ABCC4: variants seen among roughly 807,000 people sequenced by gnomAD.
ABCC4 encodes ATP binding cassette subfamily C member 4 (PEL blood group).
In ABCC4, 102 loss-of-function variants were observed where a neutral mutation model predicts 168.5. The ratio of observed to expected loss-of-function variants is 0.61; its 90% CI spans 0.52 to 0.71. ABCC4 has a LOEUF of 0.71. Ranked by LOEUF, ABCC4 falls within the 30% of genes least tolerant of loss-of-function variation. ABCC4 has a pLI of 0.00. For missense variants in ABCC4, 1,402 were observed against 1,605.8 expected, an observed-to-expected ratio of 0.87 and a Z score of 2.17; for synonymous variants, 617 against 590.7, an observed-to-expected ratio of 1.04 and a Z score of -0.65.
chr13:95,138,257 T>G (rs2036202420), intron 19 of ABCC4, among the ~76,000 whole-genome samples: 1 of 152,216 alleles, frequency 6.6e-6, no homozygotes, highest in Admixed American at 6.5e-5. Flanking sequence ...GGAAATATAC[T>G]AATTTGCCCT....
At chr13:95,219,661 C>T (rs1033912982) in intron 4 of ABCC4, among the ~76,000 whole-genome samples, 1 of 151,934 alleles carries the variant, frequency 6.6e-6, no homozygotes, top group African/African-American at 2.4e-5. Context: ...TGTGCCACCA[C>T]ACTTGGCTTT....
chr13:95,230,858 A>G (rs2039600232), intron 4 of ABCC4, among the ~76,000 whole-genome samples: 1 of 152,258 alleles, frequency 6.6e-6, no homozygotes, highest in South Asian at 2.1e-4. Context: ...TGTTCACAAT[A>G]GCTAAAAGGC....
chr13:95,126,363 C>A lies in ABCC4; in HGVS notation c.2456-10362G>T, dbSNP rs572460878. ...CATTCACCTAGACAAGGAATTTCCACTTCCACAAAGGCAACTATCAAATTC... is the reference window on the plus strand; with the variant it reads ...CATTCACCTAGACAAGGAATTTCCAATTCCACAAAGGCAACTATCAAATTC... On this transcript the variant is annotated intron_variant, in intron 19 of 30. Transcript: ENST00000645237. Among the ~76,000 whole-genome samples the A allele has an allele frequency of 1.4e-4, 21 of 152,262 alleles. 2 individuals carry two copies. In the South Asian group the frequency reaches 4.1e-3, roughly 30 times the overall value.
chr13:95,221,390 G>C (rs1034944870), intron 4 of ABCC4, among the ~76,000 whole-genome samples: 1 of 152,056 alleles, frequency 6.6e-6, no homozygotes, highest in African/African-American at 2.4e-5. Flanking sequence ...CATCATGCCT[G>C]GCTGATTTTT....
chr13:95,199,743 G>A (rs1444390415), intron 8 of ABCC4, among the ~76,000 whole-genome samples: 2 of 151,880 alleles, frequency 1.3e-5, no homozygotes, highest in Admixed American at 6.6e-5. Flanking sequence ...CTCTACTCTG[G>A]GCCCCCAATG....
chr13:95,098,999 C>T (rs568806997), intron 20 of ABCC4, among the ~76,000 whole-genome samples: 98 of 152,192 alleles, frequency 6.4e-4, no homozygotes, highest in Non-Finnish European at 1.2e-3. Context: ...GTGAACTTTA[C>T]GAACCCAGCA....
chr13:95,119,038 T>C (rs1174843518), intron 19 of ABCC4, among the ~76,000 whole-genome samples: 1 of 152,176 alleles, frequency 6.6e-6, no homozygotes, highest in East Asian at 1.9e-4. Context: ...CATAGTCAGG[T>C]AGCCAGCCTC....
At position 95,206,664 on chromosome 13, in the gene ABCC4, G is replaced by A. The variant is rs1343909957; in HGVS notation, c.1029C>T (p.Gly343=). Residue 343 remains glycine (G), a synonymous_variant, in exon 8 of 31, where the codon GGC becomes GGT. Coordinates refer to ENST00000645237, the MANE Select transcript of ABCC4 (RefSeq NM_005845.5). ...ACACGCGGCTGGCTGTGATCACACT[G>A]CCGAGGAGCACGTAGGTGGTGAAGG... ...FVTFTTYVLL[G]SVITASRVFV... The A allele has an allele frequency of 1.9e-6, 3 of 1,614,136 alleles. No homozygotes were observed. In the South Asian group the frequency reaches 3.3e-5, roughly 18 times the overall value.
intron 1 of ABCC4, among the ~76,000 whole-genome samples, chr13:95,263,335 T>C (rs2040583878): frequency 2.0e-5 from 3 of 152,220 alleles, no homozygotes. Context: ...AATGGTTCAG[T>C]ATTCACTAGT....
intron 20 of ABCC4, among the ~76,000 whole-genome samples, chr13:95,083,589 C>T (rs2034169173): frequency 6.7e-6 from 1 of 149,068 alleles, no homozygotes; most frequent in African/African-American, 2.5e-5. Flanking sequence ...TGAAGTGGTG[C>T]CATCTCCTCT....
At chr13:95,069,240 C>G (rs1268955398) in intron 25 of ABCC4, among the ~76,000 whole-genome samples, 2 of 152,138 alleles carry the variant, frequency 1.3e-5, no homozygotes, top group Admixed American at 1.3e-4. Flanking sequence ...TTTGTATGTG[C>G]ATATCCCTCA....
chr13:95,123,515 C>A (rs753998590), intron 19 of ABCC4, among the ~76,000 whole-genome samples: 14 of 152,220 alleles, frequency 9.2e-5, no homozygotes, highest in Non-Finnish European at 1.9e-4. Flanking sequence ...ACGTGCACCG[C>A]CACACCCAGC....
intron 1 of ABCC4, among the ~76,000 whole-genome samples, chr13:95,298,910 T>C (rs578094801): frequency 3.3e-5 from 5 of 152,196 alleles, no homozygotes; most frequent in South Asian, 4.1e-4. Flanking sequence ...AAGTCATCAA[T>C]GGGAGCGCAT....
In ABCC4 at chr13:95,062,722, C is replaced by T. The variant is rs1751034; in HGVS notation, c.3348G>A (p.Lys1116=). 1,318,997 of 1,613,128 alleles carry T rather than the reference C, an allele frequency of 0.82. 540,650 individuals are homozygous for T. The highest frequency in any genetic ancestry group is 0.9 in the South Asian group (82,309 of 90,990). ...TGCATACCTGAGGTATGATTGACAT[C>T]TTCTTCCTTAAATCGTGAAGTCCAA... The part of the protein sequence containing the change: ...TEIGLHDLRK[K]MSIIPQEPVL... Residue 1116 remains lysine, a synonymous_variant, in exon 26 of 31, where the codon AAG becomes AAA. Transcript: ENST00000645237.
chr13:95,208,037 C>A, intron 6 of ABCC4, 112 bp from the exon 7 acceptor site: 1 of 1,149,420 alleles, frequency 8.7e-7, no homozygotes, highest in South Asian at 1.6e-5. Flanking sequence ...GCTTTTGCTT[C>A]CGACAACACA....
In ABCC4 at chr13:95,115,987, G is replaced by T; in HGVS notation, c.2470C>A (p.Arg824Ser). ...DRNPIGRILN[R>S]FSKDIGHLDD... Reference sequence around the variant, plus strand: ...AAGTGTCCAATGTCTTTGGAGAAACGATTTAAAATTCTTCCTGCAAGAACA... The same window carrying T: ...AAGTGTCCAATGTCTTTGGAGAAACTATTTAAAATTCTTCCTGCAAGAACA... The change falls in exon 20 of 31, where the codon CGT becomes AGT. Residue 824 changes from arginine (R) to serine (S), a missense_variant. Physicochemically the swap from Arg to Ser is moderately radical, Grantham distance 110 (BLOSUM62 -1). Around this residue, in one of 3 missense-constraint regions of ABCC4, gnomAD observed 1,007 missense variants for 1,127.3 expected, o/e 0.89. Transcript: ENST00000645237. 6.2e-7 allele frequency: 1 copy of T among 1,611,638 alleles called. No homozygotes were observed. Among genetic ancestry groups the T allele is most frequent in the Non-Finnish European group, 8.5e-7 (1 of 1,179,252 alleles).
intron 8 of ABCC4, among the ~76,000 whole-genome samples, chr13:95,199,620 T>C (rs79624350): frequency 2.4e-3 from 362 of 152,266 alleles, no homozygotes; most frequent in Middle Eastern, 0.017. Flanking sequence ...AATCAGGACA[T>C]GCTCTCAATG....
intron 16 of ABCC4, among the ~76,000 whole-genome samples, chr13:95,164,009 C>CCAACCTGG (rs2037184203): frequency 1.4e-5 from 2 of 142,068 alleles, no homozygotes; most frequent in Admixed American, 1.5e-4. Flanking sequence ...CCACTGCACT[C>CCAACCTGG]CAACCTGGGC....
intron 25 of ABCC4, among the ~76,000 whole-genome samples, chr13:95,067,313 G>T (rs2033582639): frequency 6.6e-6 from 1 of 152,152 alleles, no homozygotes; most frequent in Non-Finnish European, 1.5e-5. Flanking sequence ...TTCATAATTT[G>T]CAGAATATAA....
Sources: gnomAD v4.1 joint callset for allele counts (sites outside exome capture counted in the v4.1 genomes callset) on GRCh38, gnomAD v4.1.1 for gene constraint, gnomAD v4.1.1 regional missense constraint, MANE v1.5 for transcripts, NCBI Gene and HGNC (gene_info 2026-07-23, HGNC 2026-07-21) for gene names.